The following MTCL1 variants were observed in gnomAD, a reference collection of about 807,000 sequenced individuals.
MTCL1 encodes microtubule cross-linking factor 1.
MTCL1 carries 79 observed loss-of-function variants against 141.4 expected under a neutral mutation model. The ratio of observed to expected loss-of-function variants is 0.56; its 90% CI spans 0.47 to 0.67. MTCL1 has a LOEUF of 0.67. MTCL1 is among the 30% of genes least tolerant of loss of function. The pLI, the probability that MTCL1 is intolerant of heterozygous loss-of-function variation, is 0.00. For missense variants in MTCL1, 2,177 were observed against 2,113.9 expected, an observed-to-expected ratio of 1.03 and a Z score of -0.59; for synonymous variants, 914 against 875.8, an observed-to-expected ratio of 1.04 and a Z score of -0.77.
At chr18:8,825,127 C>T (rs377453546) in exon 15 of MTCL1, 34 of 1,591,504 alleles carry the variant, frequency 2.1e-5, no homozygotes, top group East Asian at 2.0e-4. Context: ...GACAGCATCA[C>T]GGCGGCAGGT....
intron 8 of MTCL1, among the ~76,000 whole-genome samples, chr18:8,794,504 T>C (rs2075845972): frequency 6.6e-6 from 1 of 152,216 alleles, no homozygotes; most frequent in African/African-American, 2.4e-5. Context: ...GTGCTGCTGA[T>C]GCTGCCTCCC....
In MTCL1 at chr18:8,831,428, T is replaced by A. The variant is rs1278033244; in HGVS notation, c.*19-179T>A. The A allele has an allele frequency of 2.1e-6, 3 of 1,424,454 alleles. No individual in the cohort carries two copies. The African/African-American group carries it at 4.3e-5, about 20-fold the overall frequency. 88.2% of individuals were successfully genotyped at this position (1,424,454 alleles called of 1,614,324 possible). Reference sequence around the variant, plus strand: ...CCATTCATGTCACTGATCATTTGTGTTGAATTCTTTATTATTTTAAGTTAT... The same window carrying A: ...CCATTCATGTCACTGATCATTTGTGATGAATTCTTTATTATTTTAAGTTAT... On this transcript the variant is annotated intron_variant, in intron 16 of 16. Transcript: ENST00000359865.
intron 4 of MTCL1, among the ~76,000 whole-genome samples, chr18:8,744,210 C>T (rs947761190): frequency 1.1e-4 from 17 of 152,268 alleles, no homozygotes; most frequent in African/African-American, 3.4e-4. Flanking sequence ...CCCTTTCCGC[C>T]GCTAGCTAGG....
chr18:8,733,418 GT>G (rs1446595785), intron 4 of MTCL1, among the ~76,000 whole-genome samples: 1 of 152,076 alleles, frequency 6.6e-6, no homozygotes, highest in African/African-American at 2.4e-5. Flanking sequence ...TTGTTTGTTT[GT>G]TTGTTTTTGA....
rs371587002 is a variant in MTCL1 at position 8,764,933 on chromosome 18, A to G, written c.358-12900A>G. 1.6e-4 allele frequency among the ~76,000 whole-genome samples: 24 copies of G among 152,372 alleles called. No individual in the cohort carries two copies. In the South Asian group the frequency reaches 2.1e-3, roughly 13 times the overall value. The stretch of plus-strand genomic sequence containing the variant: ...ACTCTGAGAGGCACTGACAGGTGCA[A>G]TTACTCCCAATGATAAAAAGAGAAG... On this transcript the variant is annotated intron_variant, in intron 4 of 16. Coordinates refer to ENST00000359865, the Ensembl canonical transcript of MTCL1.
chr18:8,794,839 T>C (rs2075859522), intron 8 of MTCL1, among the ~76,000 whole-genome samples: 1 of 152,210 alleles, frequency 6.6e-6, no homozygotes. Flanking sequence ...ATCTTTGTTA[T>C]AGATTAACTG....
intron 4 of MTCL1, among the ~76,000 whole-genome samples, chr18:8,765,708 GAAT>G (rs1285492344): frequency 6.6e-6 from 1 of 152,178 alleles, no homozygotes; most frequent in Non-Finnish European, 1.5e-5. Flanking sequence ...TGATTCTGTT[GAAT>G]AATAAAATCG....
At chr18:8,756,000 G>A (rs971242183) in intron 4 of MTCL1, among the ~76,000 whole-genome samples, 1 of 152,162 alleles carries the variant, frequency 6.6e-6, no homozygotes, top group African/African-American at 2.4e-5. Context: ...ACTTAGGTGT[G>A]GTGGTGCACA....
At position 8,832,525 on chromosome 18, in the gene MTCL1, TC is replaced by T. The variant is rs1219728510; in HGVS notation, c.*939del. ...ATCACCTAAATGTGACTCAGTCTGT[TC>T]CACTGTAATATGTTGTGAATTTCCT... On this transcript the variant is annotated 3_prime_UTR_variant, in exon 17 of 17. Transcript: ENST00000359865. The T allele has an allele frequency of 2.6e-5, 4 of 152,520 alleles. No individual in the cohort carries two copies. The East Asian group carries it at 7.7e-4, about 29-fold the overall frequency. 9.4% of individuals were successfully genotyped at this position (152,520 alleles called of 1,614,324 possible).
rs1347898859 is a variant in MTCL1 at position 8,822,219 on chromosome 18, C to G, written c.3188+721C>G. 6.6e-6 allele frequency among the ~76,000 whole-genome samples: 1 copy of G among 152,190 alleles called. No homozygotes were observed. Among genetic ancestry groups the G allele is most frequent in the Non-Finnish European group, 1.5e-5 (1 of 68,046 alleles). ...TGTCCTTCACGCTGTCTTCTCTGGTCTTTCTTGGGTGGTACAGGACAGTAC... is the reference window on the plus strand; with the variant it reads ...TGTCCTTCACGCTGTCTTCTCTGGTGTTTCTTGGGTGGTACAGGACAGTAC... On this transcript the variant is annotated intron_variant, in intron 14 of 16. Transcript: ENST00000359865. This position sits in a 1 kb window ranked among gnomAD's most constrained non-coding sequence, Gnocchi z 4.6.
chr18:8,812,875 G>A, intron 11 of MTCL1, 104 bp from the exon 11 acceptor site: 1 of 1,427,514 alleles, frequency 7.0e-7, no homozygotes, highest in Non-Finnish European at 9.5e-7. Context: ...GTCAAATCTT[G>A]GTTTAAACAT....
Position 8,720,208 on chromosome 18 carries a change from T to C in MTCL1, c.199-130T>C, listed in dbSNP as rs1242476973. ...CCTCCTTTTAACAATAAGTCAGTTG[T>C]GTATTGCCAGGGTCTTTGCTATGTG... On this transcript the variant is annotated intron_variant, in intron 3 of 16. Transcript: ENST00000359865. 3.8e-6 allele frequency: 3 copies of C among 795,016 alleles called. No homozygotes were observed. In the Admixed American group the frequency reaches 8.0e-5, roughly 21 times the overall value. The allele number at this position is 795,016 out of a possible 1,614,324, so 49.2% of individuals were successfully genotyped here. A position where few individuals can be genotyped will look rare whatever the true frequency, so the allele number is the denominator to read the frequency against.
exon 15 of MTCL1, chr18:8,825,149 C>T: frequency 6.3e-7 from 1 of 1,584,134 alleles, no homozygotes; most frequent in South Asian, 1.2e-5. Flanking sequence ...GTGAGGGTCC[C>T]TTTCCCACAA....
intron 4 of MTCL1, 29 bp downstream of exon 3, chr18:8,720,525 C>G (rs191545097): frequency 3.8e-5 from 61 of 1,599,428 alleles, no homozygotes; most frequent in Admixed American, 5.2e-5. Flanking sequence ...GGTCCTGCCC[C>G]CTTGGATTTA....
intron 4 of MTCL1, among the ~76,000 whole-genome samples, chr18:8,761,112 A>G (rs73939529): frequency 0.12 from 17,932 of 152,210 alleles, 2,392 homozygotes; most frequent in African/African-American, 0.32. Context: ...GGGTCCATCT[A>G]GATGTGTATT....
rs1334303659 is a variant in MTCL1, at chr18:8,793,035, C to A, written c.1925C>A (p.Ser642Tyr). 4 of 1,614,020 alleles carry A rather than the reference C, an allele frequency of 2.5e-6. No individual in the cohort carries two copies. In the Admixed American group the frequency reaches 6.7e-5, roughly 27 times the overall value. ...CCCGTTTTACCTGAGCAGAGTGTAT[C>A]CATAGAGGAGCTACAGGGTCAGCTC... The change falls in exon 8 of 17, where the codon TCC becomes TAC. Residue 642 changes from serine to tyrosine, a missense_variant. By Grantham distance (144) the Ser-to-Tyr change is moderately radical. Transcript: ENST00000359865.
intron 5 of MTCL1, among the ~76,000 whole-genome samples, chr18:8,780,136 T>A (rs941540123): frequency 1.3e-5 from 2 of 152,204 alleles, no homozygotes; most frequent in Admixed American, 1.3e-4. Context: ...TTCAACTTGT[T>A]GGGGAAGACC....
chr18:8,752,500 C>T (rs952105694), intron 4 of MTCL1, among the ~76,000 whole-genome samples: 2 of 152,158 alleles, frequency 1.3e-5, no homozygotes, highest in Non-Finnish European at 2.9e-5. Context: ...TGGCCTGGCA[C>T]TTGTCCCAGA....
intron 8 of MTCL1, among the ~76,000 whole-genome samples, chr18:8,795,767 T>G (rs2075894724): frequency 6.6e-6 from 1 of 152,098 alleles, no homozygotes; most frequent in Non-Finnish European, 1.5e-5. Flanking sequence ...TTCTCTTCTG[T>G]CGGGGCTGTG....
Sources: allele counts gnomAD v4.1 joint callset (sites outside exome capture counted in the v4.1 genomes callset), GRCh38; gene constraint gnomAD v4.1.1; non-coding constraint Gnocchi (gnomAD v3.1); transcripts MANE v1.5; gene names NCBI Gene and HGNC (gene_info 2026-07-23, HGNC 2026-07-21).